Variants in CNTN4 observed in about 807,000 individuals in gnomAD.
The protein encoded by CNTN4 is contactin-4.
In CNTN4, 77 loss-of-function variants were observed where a neutral mutation model predicts 122.5. The ratio of observed to expected loss-of-function variants is 0.63; its 90% CI spans 0.52 to 0.76. The LOEUF is 0.76. CNTN4 is among the 30% of genes least tolerant of loss of function. The pLI is 0.00. For synonymous variants in CNTN4, 512 were observed against 447.0 expected (o/e 1.15, Z -1.83); for missense variants, 1,256 against 1,259.1 (o/e 1.00, Z 0.04).
intron 3 of CNTN4, among the ~76,000 whole-genome samples, chr3:2,504,566 A>G (rs1226777850): frequency 6.6e-6 from 1 of 152,196 alleles, no homozygotes; most frequent in Non-Finnish European, 1.5e-5. Context: ...AAATGACTCA[A>G]TCCGCATTCC....
intron 3 of CNTN4, among the ~76,000 whole-genome samples, chr3:2,410,574 A>T (rs2047192958): frequency 6.6e-6 from 1 of 152,176 alleles, no homozygotes; most frequent in Admixed American, 6.6e-5. Context: ...ATTCTGTCTC[A>T]TAACCTCATA....
chr3:2,574,842 T>C lies in CNTN4; in HGVS notation c.55+3284T>C, dbSNP rs573076476. The stretch of plus-strand genomic sequence containing the variant: ...CTCCTTTGTGACAAGTCTCCCAGTC[T>C]TTTTTTTTCAATCTACAAACTCCTA... On this transcript the variant is annotated intron_variant, in intron 4 of 24. Transcript: ENST00000418658. Among the ~76,000 whole-genome samples, 27 of 149,572 alleles carry C rather than the reference T, an allele frequency of 1.8e-4. 1 individual carries two copies. The South Asian group carries it at 5.5e-3, about 30-fold the overall frequency.
intron 2 of CNTN4, among the ~76,000 whole-genome samples, chr3:2,126,034 CTCTT>C (rs979773408): frequency 3.9e-5 from 6 of 152,150 alleles, no homozygotes; most frequent in East Asian, 3.9e-4. Context: ...ATACTAAAAG[CTCTT>C]TCCGTAGTGT....
chr3:2,209,561 T>C (rs1575086694), intron 2 of CNTN4, among the ~76,000 whole-genome samples: 1 of 152,156 alleles, frequency 6.6e-6, no homozygotes, highest in African/African-American at 2.4e-5. Flanking sequence ...TGTGGTCTCC[T>C]TCAACCCTGT....
At chr3:3,043,283 T>G in intron 22 of CNTN4, 120 bp downstream of exon 22, 1 of 1,000,360 alleles carries the variant, frequency 1.0e-6, no homozygotes, top group Non-Finnish European at 1.6e-6. Flanking sequence ...GGATTCAAAT[T>G]TCCCTCAGCA....
intron 14 of CNTN4, among the ~76,000 whole-genome samples, chr3:3,000,882 T>TTC (rs1418362826): frequency 2.3e-4 from 25 of 110,036 alleles, no homozygotes; most frequent in African/African-American, 1.2e-3. Flanking sequence ...CTTTCTTTCT[T>TTC]TTTTTTTTTT....
At chr3:2,499,181 T>A (rs1244735188) in intron 3 of CNTN4, among the ~76,000 whole-genome samples, 1 of 152,206 alleles carries the variant, frequency 6.6e-6, no homozygotes, top group Non-Finnish European at 1.5e-5. Context: ...GTTTTATATT[T>A]TATATTTAAG....
At chr3:2,406,042 A>G (rs932683754) in intron 3 of CNTN4, among the ~76,000 whole-genome samples, 1 of 152,112 alleles carries the variant, frequency 6.6e-6, no homozygotes, top group Non-Finnish European at 1.5e-5. Flanking sequence ...AAAGAAAAAA[A>G]ACAGGGAAAG....
In CNTN4 at chr3:2,642,517, C is replaced by G. The variant is rs143588765; in HGVS notation, c.55+70959C>G. 2.1e-3 allele frequency among the ~76,000 whole-genome samples: 313 copies of G among 152,332 alleles called. 2 individuals are homozygous for G. Among genetic ancestry groups the G allele is most frequent in the African/African-American group, 6.9e-3 (288 of 41,566 alleles). ...TATTAAACCACATAAATTATATAGA[C>G]TATCTCACATCTTTAGTGCCATTGC... On this transcript the variant is annotated intron_variant, in intron 4 of 24. Coordinates refer to ENST00000418658, the MANE Select transcript of CNTN4 (RefSeq NM_175607.3).
chr3:2,627,887 C>T (rs528443635), intron 4 of CNTN4, among the ~76,000 whole-genome samples: 19 of 152,294 alleles, frequency 1.2e-4, no homozygotes, highest in African/African-American at 4.3e-4. Flanking sequence ...ATTTAACATA[C>T]TTTAATTGAA....
chr3:2,343,386 C>A (rs546171216), intron 3 of CNTN4, among the ~76,000 whole-genome samples: 31 of 152,252 alleles, frequency 2.0e-4, no homozygotes, highest in African/African-American at 7.2e-4. Flanking sequence ...TTCACTTCAG[C>A]CTCTAATTTG....
intron 3 of CNTN4, among the ~76,000 whole-genome samples, chr3:2,528,869 T>A (rs1430186190): frequency 6.6e-6 from 1 of 152,140 alleles, no homozygotes; most frequent in Non-Finnish European, 1.5e-5. Context: ...CATAGTATTG[T>A]CTCAATGCAT....
chr3:2,269,741 T>A (rs1408448306), intron 2 of CNTN4, among the ~76,000 whole-genome samples: 1 of 152,108 alleles, frequency 6.6e-6, no homozygotes, highest in Non-Finnish European at 1.5e-5. Flanking sequence ...AAAAGAGACC[T>A]GATGGATTAC....
chr3:2,706,338 A>G (rs2086735692), intron 4 of CNTN4, among the ~76,000 whole-genome samples: 1 of 152,144 alleles, frequency 6.6e-6, no homozygotes, highest in Non-Finnish European at 1.5e-5. Flanking sequence ...TTTCTGAGAA[A>G]ATAGTAGCAT....
chr3:2,632,617 G>A (rs1270778882), intron 4 of CNTN4, among the ~76,000 whole-genome samples: 1 of 152,076 alleles, frequency 6.6e-6, no homozygotes, highest in East Asian at 1.9e-4. Flanking sequence ...AGCCTCTTAG[G>A]GCGTGATTTA....
At chr3:2,322,108 T>C (rs1485559503) in intron 2 of CNTN4, among the ~76,000 whole-genome samples, 1 of 152,208 alleles carries the variant, frequency 6.6e-6, no homozygotes, top group Non-Finnish European at 1.5e-5. Context: ...GGATTGTCTG[T>C]ATGATAAAGT....
intron 2 of CNTN4, among the ~76,000 whole-genome samples, chr3:2,235,598 C>T (rs574866698): frequency 1.3e-5 from 2 of 152,148 alleles, no homozygotes; most frequent in Admixed American, 6.5e-5. Flanking sequence ...AGGAGCTTTG[C>T]TATCCTATAT....
chr3:3,025,106 T>C (rs923661318), intron 14 of CNTN4, among the ~76,000 whole-genome samples: 10 of 152,212 alleles, frequency 6.6e-5, no homozygotes, highest in African/African-American at 2.4e-4. Flanking sequence ...TAGTGTACTC[T>C]CTGACACCAT....
At chr3:2,419,891 T>C (rs1009438877) in intron 3 of CNTN4, among the ~76,000 whole-genome samples, 5 of 152,178 alleles carry the variant, frequency 3.3e-5, no homozygotes, top group Admixed American at 6.5e-5. Context: ...TATTTCCCTG[T>C]GGTTTCAGAC....
Sources: gnomAD v4.1 joint callset for allele counts (sites outside exome capture counted in the v4.1 genomes callset) on GRCh38, gnomAD v4.1.1 for gene constraint, MANE v1.5 for transcripts, NCBI Gene and HGNC (gene_info 2026-07-23, HGNC 2026-07-21) for gene names.